The following GCNT1 variants were observed in gnomAD, a reference collection of about 807,000 sequenced individuals.
GCNT1 encodes beta-1,3-galactosyl-O-glycosyl-glycoprotein beta-1,6-N-acetylglucosaminyltransferase.
GCNT1 carries 16 observed loss-of-function variants against 26.2 expected under a neutral mutation model. That is an observed-to-expected ratio of 0.61 (90% CI 0.41 to 0.93). GCNT1 has a LOEUF of 0.93. Ranked by LOEUF, GCNT1 falls within the 40% of genes least tolerant of loss-of-function variation. The pLI is 0.00. For synonymous variants in GCNT1, 183 were observed against 190.8 expected (o/e 0.96, Z 0.34); for missense variants, 477 against 526.7 (o/e 0.91, Z 0.92).
chr9:76,400,039 A>G, the GCNT1 span, among the ~76,000 whole-genome samples: 42 of 152,214 alleles, frequency 2.8e-4, 1 homozygote, highest in Admixed American at 2.7e-3. Flanking sequence ...TGGAGACAGT[A>G]AACAGATCAG....
In GCNT1 at chr9:76,505,095, G is replaced by A. The variant is rs1356572691; in HGVS notation, c.*1427G>A. ...TACTGTTCAGCAAACAAGCTACCAG[G>A]AACTGTGAGGCTTTGTCATTTAGCA... On this transcript the variant is annotated 3_prime_UTR_variant, in exon 4 of 4. Coordinates refer to ENST00000376730, the MANE Select transcript of GCNT1 (RefSeq NM_001490.5). The A allele has an allele frequency of 2.4e-6, 1 of 411,932 alleles. No homozygotes were observed. Among genetic ancestry groups the A allele is most frequent in the Non-Finnish European group, 4.4e-6 (1 of 225,826 alleles). The allele number at this position is 411,932 out of a possible 1,614,324, so 25.5% of individuals were successfully genotyped here.
chr9:76,442,183 A>C (rs939738564), exon 1 of GCNT1: 1 of 152,212 alleles, frequency 6.6e-6, no homozygotes, highest in Non-Finnish European at 1.5e-5. Flanking sequence ...TCAATGAATG[A>C]GAGAGGCTTC....
chr9:76,443,846 G>T (rs1823520102), intron 1 of GCNT1, among the ~76,000 whole-genome samples: 1 of 150,796 alleles, frequency 6.6e-6, no homozygotes, highest in Non-Finnish European at 1.5e-5. Context: ...CTCCAGCCTG[G>T]GCAACAGAGT....
intron 1 of GCNT1, among the ~76,000 whole-genome samples, chr9:76,450,088 T>A (rs1823640958): frequency 6.6e-6 from 1 of 152,186 alleles, no homozygotes; most frequent in Non-Finnish European, 1.5e-5. Flanking sequence ...CGCCTCTTTT[T>A]ATAAATTATA....
upstream of GCNT1, among the ~76,000 whole-genome samples, chr9:76,458,175 A>ATTTTTTTTT (rs779648273): frequency 1.3e-4 from 10 of 76,222 alleles, 1 homozygote; most frequent in African/African-American, 2.8e-4. Context: ...TCTGAGTTGG[A>ATTTTTTTTT]TTTTTTTTTT....
At chr9:76,459,031 G>C (rs1314977787), upstream of GCNT1, 3 of 152,332 alleles carry the variant, frequency 2.0e-5, no homozygotes, top group South Asian at 2.1e-4. Flanking sequence ...CCCAGACCAC[G>C]TCAGTGCCCA....
At chr9:76,426,820 A>G (rs1823263691) in intron 1 of GCNT1, among the ~76,000 whole-genome samples, 2 of 152,260 alleles carry the variant, frequency 1.3e-5, no homozygotes, top group Admixed American at 1.3e-4. Flanking sequence ...CTGAGGCAAG[A>G]GAATCGCTTG....
At chr9:76,471,455 T>A (rs1402889526) in intron 2 of GCNT1, among the ~76,000 whole-genome samples, 1 of 152,196 alleles carries the variant, frequency 6.6e-6, no homozygotes, top group Admixed American at 6.5e-5. Context: ...GGCGCTTGAC[T>A]TCCACAAACC....
At chr9:76,462,015 T>G (rs1823881346) in intron 2 of GCNT1, among the ~76,000 whole-genome samples, 1 of 152,232 alleles carries the variant, frequency 6.6e-6, no homozygotes. Flanking sequence ...AATTCTGAAC[T>G]GTGATGTAGA....
chr9:76,435,269 C>T (rs771651431), intron 1 of GCNT1, among the ~76,000 whole-genome samples: 8 of 152,176 alleles, frequency 5.3e-5, no homozygotes, highest in Non-Finnish European at 1.2e-4. Context: ...TATGTGATGT[C>T]ACCCCTGGCG....
At chr9:76,403,583 G>C in the GCNT1 span, among the ~76,000 whole-genome samples, 1 of 152,180 alleles carries the variant, frequency 6.6e-6, no homozygotes, top group Non-Finnish European at 1.5e-5. Context: ...GGTTCATCAG[G>C]CCCTGTGCTA....
chr9:76,495,267 G>A (rs749091230), intron 2 of GCNT1, among the ~76,000 whole-genome samples: 10 of 152,158 alleles, frequency 6.6e-5, no homozygotes, highest in Non-Finnish European at 1.3e-4. Flanking sequence ...TAAAGATGGT[G>A]TGTCCAGAGT....
intron 1 of GCNT1, among the ~76,000 whole-genome samples, chr9:76,449,567 C>G (rs1823632008): frequency 6.6e-6 from 1 of 152,150 alleles, no homozygotes; most frequent in Non-Finnish European, 1.5e-5. Flanking sequence ...ACTAAACAAG[C>G]CTTAATTACC....
At chr9:76,422,936 T>A (rs935070651) in intron 1 of GCNT1, among the ~76,000 whole-genome samples, 5 of 152,244 alleles carry the variant, frequency 3.3e-5, no homozygotes, top group Non-Finnish European at 5.9e-5. Context: ...ACCTTTGTGT[T>A]CAATGATTTT....
In GCNT1 at chr9:76,504,881, G is replaced by A. The variant is rs1825195737; in HGVS notation, c.*1213G>A. The A allele has an allele frequency of 2.4e-6, 1 of 413,342 alleles. No homozygotes were observed. Among genetic ancestry groups the A allele is most frequent in the South Asian group, 1.3e-4 (1 of 7,850 alleles). The allele number at this position is 413,342 out of a possible 1,614,324, so 25.6% of individuals were successfully genotyped here. ...AGTCATTCCACATGGCCTGTTGGAA[G>A]GCCTGGGGAGGGAACTTTGGGTTTG... On this transcript the variant is annotated 3_prime_UTR_variant, in exon 4 of 4. Transcript: ENST00000376730.
At chr9:76,461,488 A>C (rs1823868923) in intron 2 of GCNT1, among the ~76,000 whole-genome samples, 2 of 151,034 alleles carry the variant, frequency 1.3e-5, no homozygotes, top group Non-Finnish European at 1.5e-5. Flanking sequence ...GGAGGCTGAG[A>C]CGGAGAATTG....
chr9:76,465,155 G>GTTTTTTTTTTTTTTTTTTTT (rs374781585), intron 2 of GCNT1, among the ~76,000 whole-genome samples: 1 of 144,998 alleles, frequency 6.9e-6, no homozygotes. Context: ...TCTGATTTGA[G>GTTTTTTTTTTTTTTTTTTTT]TTTTTTTTTT....
At chr9:76,486,775 A>G (rs1159145382) in intron 2 of GCNT1, among the ~76,000 whole-genome samples, 1 of 152,128 alleles carries the variant, frequency 6.6e-6, no homozygotes, top group Non-Finnish European at 1.5e-5. Context: ...TCTGGCAGTC[A>G]AAAGAGAAGA....
At chr9:76,421,818 C>A (rs965117954) in intron 1 of GCNT1, among the ~76,000 whole-genome samples, 1 of 150,908 alleles carries the variant, frequency 6.6e-6, no homozygotes, top group Non-Finnish European at 1.5e-5. Context: ...CTCAGCCTCC[C>A]AAGTAGCTGG....
Sources: gnomAD v4.1 joint callset for allele counts (sites outside exome capture counted in the v4.1 genomes callset) on GRCh38, gnomAD v4.1.1 for gene constraint, MANE v1.5 for transcripts, NCBI Gene and HGNC (gene_info 2026-07-23, HGNC 2026-07-21) for gene names.